Variants in AP3D1 observed in about 807,000 individuals in gnomAD.
AP3D1 encodes the protein adaptor related protein complex 3 subunit delta 1.
AP3D1 carries 51 observed loss-of-function variants against 147.6 expected under a neutral mutation model. The observed-to-expected ratio is 0.35, with a 90% CI of 0.28 to 0.44. The LOEUF (loss-of-function observed/expected upper bound fraction) is 0.44. Among genes scored for constraint, AP3D1 ranks in the 20% least tolerant of loss-of-function variants. AP3D1 has a pLI of 1.00. For synonymous variants in AP3D1, 760 were observed against 663.0 expected, an observed-to-expected ratio of 1.15 and a Z score of -2.25; for missense variants, 1,421 against 1,624.2, an observed-to-expected ratio of 0.87 and a Z score of 2.15.
chr19:2,130,352 A>G (rs1421994143), intron 6 of AP3D1, 56 bp downstream of exon 6: 1 of 1,609,248 alleles, frequency 6.2e-7, no homozygotes, highest in Non-Finnish European at 8.5e-7. Flanking sequence ...ACCTCTTCCC[A>G]GGGCACCGGC....
At chr19:2,161,430 G>T in intron 1 of AP3D1, among the ~76,000 whole-genome samples, 1 of 151,970 alleles carries the variant, frequency 6.6e-6, no homozygotes, top group South Asian at 2.1e-4. Context: ...CCAAAGTGCT[G>T]GGATTACAGG....
At chr19:2,113,024 G>T in intron 23 of AP3D1, 57 bp from the exon 24 acceptor site, 1 of 1,322,626 alleles carries the variant, frequency 7.6e-7, no homozygotes, top group Non-Finnish European at 1.1e-6. Flanking sequence ...CCACTCCACT[G>T]CACCCCAGAC....
chr19:2,164,205 G>A (rs2019820034), intron 1 of AP3D1: 1 of 1,277,100 alleles, frequency 7.8e-7, no homozygotes, highest in Non-Finnish European at 9.9e-7. Flanking sequence ...AGCTGGAGCT[G>A]AGACTGAAGT....
rs201989084 is a variant in AP3D1, at chr19:2,132,555, G to A, written c.378C>T (p.Tyr126=). 6.1e-5 allele frequency: 99 copies of A among 1,609,900 alleles called. 1 individual carries two copies. The highest frequency in any genetic ancestry group is 5.0e-4 in the Middle Eastern group (3 of 6,042). ...IRKDLSSPSQ[Y]DTGVALTGLS... Reference sequence around the variant, plus strand: ...GACCCGTCAGTGCAACACCTGTGTCGTACTGGCTGGGGCTGCTCAAGTCCT... The same window carrying A: ...GACCCGTCAGTGCAACACCTGTGTCATACTGGCTGGGGCTGCTCAAGTCCT... Residue 126 remains tyrosine, a synonymous_variant, in exon 5 of 32, where the codon TAC becomes TAT. Transcript: ENST00000643116.
intron 4 of AP3D1, among the ~76,000 whole-genome samples, chr19:2,136,063 A>G (rs1446695611): frequency 6.7e-6 from 1 of 149,518 alleles, no homozygotes; most frequent in Non-Finnish European, 1.5e-5. Context: ...CTACACGGCC[A>G]CGACCCAAGA....
chr19:2,110,591 T>C, intron 27 of AP3D1, 116 bp downstream of exon 27: 3 of 1,172,068 alleles, frequency 2.6e-6, no homozygotes, highest in Non-Finnish European at 3.5e-6. Flanking sequence ...AGGTGCAGCC[T>C]GGGGACAAAG....
intron 1 of AP3D1, among the ~76,000 whole-genome samples, chr19:2,140,649 C>T (rs1361228445): frequency 6.6e-6 from 1 of 151,854 alleles, no homozygotes; most frequent in African/African-American, 2.4e-5. Flanking sequence ...CACTAGTCAG[C>T]TTTCTAGGAA....
At position 2,129,243 on chromosome 19, in the gene AP3D1, G is replaced by T; in HGVS notation, c.732+75C>A. Reference sequence around the variant, plus strand: ...GGGACAGGGGGGGCCTCGGTCACCCGCAGGGAATGCCCCACACAGGGTGAG... The same window carrying T: ...GGGACAGGGGGGGCCTCGGTCACCCTCAGGGAATGCCCCACACAGGGTGAG... On this transcript the variant is annotated intron_variant, in intron 7 of 31. Coordinates refer to ENST00000643116, the MANE Select transcript of AP3D1 (RefSeq NM_001261826.3). 3.1e-6 allele frequency: 5 copies of T among 1,611,758 alleles called. 1 individual carries two copies. The South Asian group carries it at 5.5e-5, about 18-fold the overall frequency.
rs2144971432 is a variant in AP3D1 at position 2,101,478 on chromosome 19, T to A, written c.*695A>T. The A allele has an allele frequency of 6.7e-6, 1 of 150,116 alleles. No homozygotes were observed. Among genetic ancestry groups the A allele is most frequent in the East Asian group, 2.0e-4 (1 of 5,066 alleles). 9.3% of individuals were successfully genotyped at this position (150,116 alleles called of 1,614,324 possible). On this transcript the variant is annotated 3_prime_UTR_variant, in exon 32 of 32. Coordinates refer to ENST00000643116, the MANE Select transcript of AP3D1 (RefSeq NM_001261826.3). ...GGACCACCCCAAACCCAAGCCGAGA[T>A]GCACTTCTGCTGACCAGGAAGACGG...
rs763617555 is a variant in AP3D1, at chr19:2,121,827, C to T, written c.1008G>A (p.Lys336=). ...TGAGGTCCTTGTGGGACTGCACGGA[C>T]TTGGGGTGGGTCTTCAGGATCTTGG... ...AMSKILKTHP[K]SVQSHKDLIL... Residue 336 remains lysine, a synonymous_variant, in exon 12 of 32, where the codon AAG becomes AAA. Transcript: ENST00000643116. 4 of 1,612,446 alleles carry T rather than the reference C, an allele frequency of 2.5e-6. No homozygotes were observed. The South Asian group carries it at 4.4e-5, about 18-fold the overall frequency.
chr19:2,102,310 G>A (rs1175771285), intron 31 of AP3D1, 42 bp from the exon 32 acceptor site: 3 of 1,548,472 alleles, frequency 1.9e-6, no homozygotes, highest in Non-Finnish European at 2.7e-6. Context: ...AGTGTGTGCA[G>A]GGGCTAGGCA....
At chr19:2,163,050 A>G (rs1273319580) in intron 1 of AP3D1, among the ~76,000 whole-genome samples, 1 of 151,880 alleles carries the variant, frequency 6.6e-6, no homozygotes, top group Non-Finnish European at 1.5e-5. Context: ...AGAAACTTAT[A>G]GTTTAATTAA....
chr19:2,150,308 A>G (rs918563640), intron 1 of AP3D1, among the ~76,000 whole-genome samples: 1 of 152,156 alleles, frequency 6.6e-6, no homozygotes, highest in Non-Finnish European at 1.5e-5. Flanking sequence ...CAAGTAGGAC[A>G]CTTTCTAAGG....
chr19:2,157,406 C>T (rs1486384005), intron 1 of AP3D1, among the ~76,000 whole-genome samples: 6 of 137,882 alleles, frequency 4.4e-5, no homozygotes, highest in Non-Finnish European at 9.1e-5. Flanking sequence ...TGCGCCACTG[C>T]ACTCCAGCCT....
chr19:2,126,488 T>A, intron 9 of AP3D1, among the ~76,000 whole-genome samples: 1 of 151,856 alleles, frequency 6.6e-6, no homozygotes, highest in East Asian at 1.9e-4. Flanking sequence ...ACCCCGTGTC[T>A]ACTAAAAATA....
At chr19:2,153,267 G>C (rs915789000), upstream of AP3D1, among the ~76,000 whole-genome samples, 1 of 151,774 alleles carries the variant, frequency 6.6e-6, no homozygotes, top group African/African-American at 2.4e-5. Flanking sequence ...CCAGCCACTT[G>C]GGAGACTGAG....
intron 1 of AP3D1, among the ~76,000 whole-genome samples, chr19:2,161,608 T>G (rs566965021): frequency 8.5e-5 from 13 of 152,120 alleles, no homozygotes; most frequent in Non-Finnish European, 1.9e-4. Flanking sequence ...AGAATTGGAA[T>G]TTGAGGCATA....
chr19:2,118,023 G>C (rs147595959), intron 15 of AP3D1, among the ~76,000 whole-genome samples: 169 of 152,284 alleles, frequency 1.1e-3, no homozygotes, highest in African/African-American at 3.8e-3. Context: ...AGCCGGGCGT[G>C]GTGGCGGGTA....
chr19:2,105,454 C>T (rs932389975), intron 31 of AP3D1, among the ~76,000 whole-genome samples: 14 of 152,242 alleles, frequency 9.2e-5, no homozygotes, highest in African/African-American at 2.2e-4. Flanking sequence ...GTCTTCAGGG[C>T]GTGTTCCTGC....
Sources: gnomAD v4.1 joint callset for allele counts (sites outside exome capture counted in the v4.1 genomes callset) on GRCh38, gnomAD v4.1.1 for gene constraint, MANE v1.5 for transcripts, NCBI Gene and HGNC (gene_info 2026-07-23, HGNC 2026-07-21) for gene names.